MAGI1: variants seen among roughly 807,000 people sequenced by gnomAD.
MAGI1 encodes the protein membrane-associated guanylate kinase, WW and PDZ domain-containing protein 1.
In MAGI1, 58 loss-of-function variants were observed where a neutral mutation model predicts 139.9. The observed-to-expected ratio is 0.41, with a 90% CI of 0.34 to 0.52. The LOEUF is 0.52. Among genes scored for constraint, MAGI1 ranks in the 20% least tolerant of loss-of-function variants. The pLI, the probability that MAGI1 is intolerant of heterozygous loss-of-function variation, is 0.12. For synonymous variants in MAGI1, 812 were observed against 737.9 expected, an observed-to-expected ratio of 1.10 and a Z score of -1.63; for missense variants, 1,874 against 1,901.6, an observed-to-expected ratio of 0.99 and a Z score of 0.27.
intron 1 of MAGI1, among the ~76,000 whole-genome samples, chr3:65,823,779 CTATAAGCACTGAGGATGCTTCG>C (rs1341339704): frequency 5.3e-5 from 8 of 152,106 alleles, no homozygotes; most frequent in South Asian, 2.1e-4. Flanking sequence ...CAGAGCTGAC[CTATAAGCACTGAGGATGCTTCG>C]TATAAGCACT....
chr3:65,582,489 G>A (rs1369568295), intron 2 of MAGI1, among the ~76,000 whole-genome samples: 1 of 152,194 alleles, frequency 6.6e-6, no homozygotes, highest in African/African-American at 2.4e-5. Context: ...TGCTGCATAA[G>A]CGCTTTACTT....
At chr3:65,656,174 T>A (rs147149233) in intron 1 of MAGI1, among the ~76,000 whole-genome samples, 80 of 151,980 alleles carry the variant, frequency 5.3e-4, no homozygotes, top group Middle Eastern at 6.8e-3. Flanking sequence ...AAAAAAAAAA[T>A]TCCCTCGATA....
chr3:65,852,661 G>A (rs756841142), intron 1 of MAGI1, among the ~76,000 whole-genome samples: 9 of 151,780 alleles, frequency 5.9e-5, no homozygotes, highest in African/African-American at 9.7e-5. Flanking sequence ...GCACCACCAC[G>A]CCTGGCTAAT....
intron 1 of MAGI1, among the ~76,000 whole-genome samples, chr3:65,986,001 A>T (rs967140823): frequency 1.3e-5 from 2 of 152,236 alleles, no homozygotes; most frequent in African/African-American, 4.8e-5. Context: ...TAGTTGATAG[A>T]TTCTCTGCCC....
At chr3:65,520,921 C>G (rs1239676541) in intron 2 of MAGI1, among the ~76,000 whole-genome samples, 8 of 152,192 alleles carry the variant, frequency 5.3e-5, no homozygotes, top group Non-Finnish European at 1.2e-4. Flanking sequence ...ACTATCACAT[C>G]TATTTTGGCA....
chr3:65,485,523 A>G (rs1951569080), intron 3 of MAGI1, among the ~76,000 whole-genome samples: 1 of 152,206 alleles, frequency 6.6e-6, no homozygotes, highest in Non-Finnish European at 1.5e-5. Flanking sequence ...ATGTGTATAA[A>G]GCACCCAGCA....
Position 65,478,635 on chromosome 3 carries a change from A to G in MAGI1, c.714T>C (p.Asn238=). ...MQNAGIVHAE[N]EEEDDVPEMN... ...TTTCAGGAACGTCATCCTCCTCCTC[A>G]TTCTCCGCGTGGACTATGCCAGCAT... Residue 238 remains asparagine (N), a synonymous_variant, in exon 4 of 23, where the codon AAT becomes AAC. Coordinates refer to ENST00000402939, the MANE Select transcript of MAGI1 (RefSeq NM_001033057.2). 1 of 1,613,942 alleles carries G rather than the reference A, an allele frequency of 6.2e-7. No homozygotes were observed. The highest frequency in any genetic ancestry group is 1.7e-5 in the Admixed American group (1 of 59,980).
intron 1 of MAGI1, among the ~76,000 whole-genome samples, chr3:65,841,722 G>GA (rs1214836306): frequency 1.4e-4 from 21 of 151,966 alleles, no homozygotes; most frequent in Non-Finnish European, 2.6e-4. Context: ...CACCGTGCTC[G>GA]GCCAATTTTC....
At chr3:65,719,545 C>A (rs374887885) in intron 1 of MAGI1, among the ~76,000 whole-genome samples, 4 of 151,048 alleles carry the variant, frequency 2.6e-5, no homozygotes, top group South Asian at 4.2e-4. Context: ...ATCTACTCAA[C>A]CTCTTTTTTT....
intron 1 of MAGI1, chr3:65,872,733 T>C (rs945974085): frequency 2.0e-5 from 3 of 152,048 alleles, no homozygotes; most frequent in Non-Finnish European, 4.4e-5. Flanking sequence ...ATACAACCAA[T>C]AAAAATGAAC....
intron 2 of MAGI1, among the ~76,000 whole-genome samples, chr3:65,606,807 C>T (rs981577032): frequency 5.3e-5 from 8 of 152,016 alleles, no homozygotes; most frequent in African/African-American, 1.7e-4. Flanking sequence ...TGTGAGCCGC[C>T]GCACCCAGCC....
intron 1 of MAGI1, among the ~76,000 whole-genome samples, chr3:65,928,917 A>G (rs987006057): frequency 2.0e-5 from 3 of 152,170 alleles, no homozygotes; most frequent in Admixed American, 2.0e-4. Flanking sequence ...TGCAATTAGC[A>G]TGAGTTTTCT....
chr3:65,924,220 G>C (rs1327577901), intron 1 of MAGI1, among the ~76,000 whole-genome samples: 1 of 152,144 alleles, frequency 6.6e-6, no homozygotes. Context: ...TTAATCAAGT[G>C]CTGTTTCACT....
chr3:65,677,170 G>A (rs1045227524), intron 1 of MAGI1, among the ~76,000 whole-genome samples: 1 of 152,112 alleles, frequency 6.6e-6, no homozygotes, highest in African/African-American at 2.4e-5. Context: ...GTTCAGACTA[G>A]GCTAAATAAG....
At chr3:65,985,902 T>C (rs573627959) in intron 1 of MAGI1, among the ~76,000 whole-genome samples, 190 of 152,316 alleles carry the variant, frequency 1.2e-3, no homozygotes, top group African/African-American at 3.9e-3. Context: ...ATTAAACTAG[T>C]GCCCCATTTG....
intron 1 of MAGI1, among the ~76,000 whole-genome samples, chr3:65,879,491 C>T (rs752840214): frequency 3.3e-5 from 5 of 152,126 alleles, no homozygotes; most frequent in Non-Finnish European, 5.9e-5. Flanking sequence ...ACCTAGGAGA[C>T]ATCATGCTTA....
At chr3:65,763,662 C>A (rs919112121) in intron 1 of MAGI1, among the ~76,000 whole-genome samples, 1 of 151,408 alleles carries the variant, frequency 6.6e-6, no homozygotes, top group African/African-American at 2.4e-5. Context: ...GATATCTGTG[C>A]GCATAAGCAT....
At chr3:65,560,150 T>C (rs539915441) in intron 2 of MAGI1, among the ~76,000 whole-genome samples, 2 of 152,362 alleles carry the variant, frequency 1.3e-5, no homozygotes, top group South Asian at 4.1e-4. Flanking sequence ...GTGAAATTAA[T>C]AATACTATTT....
intron 1 of MAGI1, among the ~76,000 whole-genome samples, chr3:66,017,781 A>G (rs547072968): frequency 1.1e-3 from 163 of 152,118 alleles, no homozygotes; most frequent in Non-Finnish European, 1.3e-3. Context: ...ACTTTCATAC[A>G]TGAAGCCCAA....
Sources: allele counts gnomAD v4.1 joint callset (sites outside exome capture counted in the v4.1 genomes callset), GRCh38; gene constraint gnomAD v4.1.1; transcripts MANE v1.5; gene names NCBI Gene and HGNC (gene_info 2026-07-23, HGNC 2026-07-21).